Variants in GRID1 observed in about 807,000 individuals in gnomAD.
The protein encoded by GRID1 is glutamate receptor ionotropic, delta-1.
GRID1 carries 28 observed loss-of-function variants against 98.0 expected under a neutral mutation model. The observed-to-expected ratio is 0.29, with a 90% CI of 0.21 to 0.39. The LOEUF is 0.39. Among genes scored for constraint, GRID1 ranks in the 10% least tolerant of loss-of-function variants. The pLI is 1.00. For missense variants in GRID1, 1,111 were observed against 1,340.5 expected (o/e 0.83, Z 2.67); for synonymous variants, 553 against 538.5 (o/e 1.03, Z -0.37).
intron 6 of GRID1, among the ~76,000 whole-genome samples, chr10:85,857,293 A>T (rs1843121121): frequency 6.6e-6 from 1 of 152,192 alleles, no homozygotes; most frequent in African/African-American, 2.4e-5. Flanking sequence ...CTGAGAATCT[A>T]GGGTAGAAGT....
chr10:86,025,513 G>A (rs1843105365), intron 4 of GRID1, among the ~76,000 whole-genome samples: 1 of 152,130 alleles, frequency 6.6e-6, no homozygotes, highest in Admixed American at 6.5e-5. Flanking sequence ...CACCAATTGG[G>A]AGCACATTCT....
intron 8 of GRID1, among the ~76,000 whole-genome samples, chr10:85,838,891 C>G (rs188349899): frequency 6.6e-6 from 1 of 152,022 alleles, no homozygotes; most frequent in Non-Finnish European, 1.5e-5. Flanking sequence ...ATGCTGTCTT[C>G]AAGAGACCCA....
chr10:85,692,158 G>C (rs1165836994), intron 12 of GRID1, among the ~76,000 whole-genome samples: 1 of 152,018 alleles, frequency 6.6e-6, no homozygotes, highest in Non-Finnish European at 1.5e-5. Context: ...GGCTCTAGGA[G>C]ATCTGAGTCT....
intron 3 of GRID1, among the ~76,000 whole-genome samples, chr10:86,155,287 C>T (rs1218915361): frequency 3.3e-5 from 5 of 152,354 alleles, no homozygotes; most frequent in Admixed American, 2.0e-4. Context: ...TGGCTGTCGA[C>T]GGCCAACCTG....
At chr10:86,126,326 G>A (rs939772828) in intron 4 of GRID1, among the ~76,000 whole-genome samples, 6 of 152,152 alleles carry the variant, frequency 3.9e-5, no homozygotes, top group Non-Finnish European at 7.3e-5. Flanking sequence ...GTGGTGGCAC[G>A]CGCCTGTAAT....
intron 4 of GRID1, among the ~76,000 whole-genome samples, chr10:86,055,615 C>G (rs751904812): frequency 5.9e-5 from 9 of 152,136 alleles, no homozygotes; most frequent in Non-Finnish European, 8.8e-5. Flanking sequence ...TGATGGTGCA[C>G]GCCTGTAATC....
intron 2 of GRID1, among the ~76,000 whole-genome samples, chr10:86,233,403 C>G (rs1012482727): frequency 6.6e-6 from 1 of 152,176 alleles, no homozygotes; most frequent in Admixed American, 6.5e-5. Context: ...CTGATGGAGT[C>G]GCAGATGCTA....
intron 6 of GRID1, among the ~76,000 whole-genome samples, chr10:85,862,256 G>T (rs908286462): frequency 6.6e-6 from 1 of 152,192 alleles, no homozygotes; most frequent in Non-Finnish European, 1.5e-5. Context: ...AAGAAGAAAT[G>T]CATAACAAAT....
At chr10:86,028,270 G>T (rs1200861860) in intron 4 of GRID1, among the ~76,000 whole-genome samples, 1 of 152,306 alleles carries the variant, frequency 6.6e-6, no homozygotes, top group South Asian at 2.1e-4. Flanking sequence ...AGTAATCAAA[G>T]CTTCCATCTT....
intron 4 of GRID1, among the ~76,000 whole-genome samples, chr10:85,954,183 T>A (rs1842160199): frequency 6.6e-6 from 1 of 152,082 alleles, no homozygotes; most frequent in African/African-American, 2.4e-5. Context: ...GAAAACAACA[T>A]CATGAAATGC....
Position 85,849,585 on chromosome 10 carries a change from G to A in GRID1, c.1233+4911C>T, listed in dbSNP as rs547416706. 4.6e-5 allele frequency among the ~76,000 whole-genome samples: 7 copies of A among 152,310 alleles called. No individual in the cohort carries two copies. The South Asian group carries it at 1.5e-3, about 32-fold the overall frequency. On this transcript the variant is annotated intron_variant, in intron 8 of 15. Transcript: ENST00000327946. ...TGGCTGGGGAAGGTTGGAGCAGAAA[G>A]TGAGCTGAAGAGGAGACAGGGAGTC...
chr10:85,993,007 T>G (rs61856011), intron 4 of GRID1, among the ~76,000 whole-genome samples: 10,744 of 152,054 alleles, frequency 0.071, 436 homozygotes, highest in Middle Eastern at 0.092. Flanking sequence ...GATAGGGTGG[T>G]GCAGGAAGGG....
At chr10:85,690,570 G>C (rs1479344881) in intron 12 of GRID1, among the ~76,000 whole-genome samples, 1 of 152,104 alleles carries the variant, frequency 6.6e-6, no homozygotes, top group East Asian at 1.9e-4. Flanking sequence ...ATTCTGATTT[G>C]CCAGTCTAAA....
At chr10:85,964,851 T>C (rs190395450) in intron 4 of GRID1, among the ~76,000 whole-genome samples, 1 of 152,034 alleles carries the variant, frequency 6.6e-6, no homozygotes, top group Non-Finnish European at 1.5e-5. Flanking sequence ...AGAGTGAACA[T>C]GTAACCTACA....
At position 85,731,964 on chromosome 10, in the gene GRID1, A is replaced by AAGG. The variant is rs111315782; in HGVS notation, c.1234-2351_1234-2350insCCT. Among the ~76,000 whole-genome samples the AAGG allele has an allele frequency of 3.0e-3, 395 of 130,218 alleles. 3 individuals are homozygous for AAGG. The highest frequency in any genetic ancestry group is 0.014 in the African/African-American group (360 of 25,864). 85.4% of individuals were successfully genotyped at this position (130,218 alleles called of 152,430 possible). On this transcript the variant is annotated intron_variant, in intron 8 of 15. Coordinates refer to ENST00000327946, the MANE Select transcript of GRID1 (RefSeq NM_017551.3). Reference sequence around the variant, plus strand: ...GGAAGGGAAGGGAAAGGAAAAAGGAAAAAGGAAAGGAAAGGAAGAAATTGC... The same window carrying AAGG: ...GGAAGGGAAGGGAAAGGAAAAAGGAAAGGAAAGGAAAGGAAAGGAAGAAATTGC...
intron 4 of GRID1, among the ~76,000 whole-genome samples, chr10:86,072,049 A>T (rs922038264): frequency 2.0e-5 from 3 of 152,200 alleles, no homozygotes; most frequent in Non-Finnish European, 4.4e-5. Context: ...TGAGAGGAAG[A>T]TGGGAGGAAC....
intron 2 of GRID1, among the ~76,000 whole-genome samples, chr10:86,300,443 G>A (rs912178640): frequency 1.1e-4 from 16 of 140,882 alleles, no homozygotes; most frequent in African/African-American, 4.0e-4. Context: ...CTCCAACCTG[G>A]GTGACAGAGC....
At chr10:85,759,235 G>C (rs768272671) in intron 8 of GRID1, among the ~76,000 whole-genome samples, 1 of 152,162 alleles carries the variant, frequency 6.6e-6, no homozygotes, top group Non-Finnish European at 1.5e-5. Flanking sequence ...GTCACTGAGG[G>C]CCTTTCCCTC....
Position 86,216,708 on chromosome 10 carries a change from T to C in GRID1, c.236-10060A>G, listed in dbSNP as rs544917077. 9.8e-5 allele frequency among the ~76,000 whole-genome samples: 15 copies of C among 152,290 alleles called. No individual in the cohort carries two copies. The South Asian group carries it at 3.1e-3, about 32-fold the overall frequency. On this transcript the variant is annotated intron_variant, in intron 2 of 15. Transcript: ENST00000327946. ...AGGAAGGGAGAGACAAGCAGCCAGATGTGAGAACCCTTGGTTCCATGGGGC... is the reference window on the plus strand; with the variant it reads ...AGGAAGGGAGAGACAAGCAGCCAGACGTGAGAACCCTTGGTTCCATGGGGC...
Sources: gnomAD v4.1 joint callset for allele counts (sites outside exome capture counted in the v4.1 genomes callset) on GRCh38, gnomAD v4.1.1 for gene constraint, MANE v1.5 for transcripts, NCBI Gene and HGNC (gene_info 2026-07-23, HGNC 2026-07-21) for gene names.